ZFYVE9: variants seen among roughly 807,000 people sequenced by gnomAD.
ZFYVE9 encodes the protein zinc finger FYVE domain-containing protein 9.
A neutral mutation model predicts 126.7 loss-of-function variants in ZFYVE9; 43 were observed. That is an observed-to-expected ratio of 0.34 (90% confidence interval 0.27 to 0.44). The LOEUF (loss-of-function observed/expected upper bound fraction) is 0.44. Ranked by LOEUF, ZFYVE9 falls within the 20% of genes least tolerant of loss-of-function variation. The pLI is 1.00. For synonymous variants in ZFYVE9, 521 were observed against 597.4 expected (o/e 0.87, Z 1.87); for missense variants, 1,476 against 1,697.0 (o/e 0.87, Z 2.29).
chr1:52,180,153 A>G (rs1278293091), intron 1 of ZFYVE9: 5 of 1,225,368 alleles, frequency 4.1e-6, no homozygotes, highest in Non-Finnish European at 6.0e-6. Context: ...TCAAGAAGTT[A>G]CCAAAGCCAG....
At chr1:52,319,839 C>G (rs1345522867) in intron 13 of ZFYVE9, among the ~76,000 whole-genome samples, 1 of 150,930 alleles carries the variant, frequency 6.6e-6, no homozygotes. Flanking sequence ...ATGGTGAAAT[C>G]CCATCTCTAC....
Position 52,264,333 on chromosome 1 carries a change from T to A in ZFYVE9, c.2278+461T>A, listed in dbSNP as rs911011872. ...ATTCATCTTGTTGAAGATAACTATT[T>A]TAGCATCTAGGACCAAGTAGAAAAT... On this transcript the variant is annotated intron_variant, in intron 5 of 18. Transcript: ENST00000287727. 1.3e-5 allele frequency among the ~76,000 whole-genome samples: 2 copies of A among 152,346 alleles called. 1 individual carries two copies. Among genetic ancestry groups the A allele is most frequent in the South Asian group, 4.1e-4 (2 of 4,830 alleles).
rs150898927 is a variant in ZFYVE9, at chr1:52,161,043, T to C, written c.-143+18640T>C. On this transcript the variant is annotated intron_variant, in intron 1 of 18. Coordinates refer to ENST00000287727, the MANE Select transcript of ZFYVE9 (RefSeq NM_004799.4). The stretch of plus-strand genomic sequence containing the variant: ...CAGTAGTTTGGGTCTTTTTATTTTA[T>C]TTTTTCAAATAAATTAACTTTTATT... 2.3e-3 allele frequency among the ~76,000 whole-genome samples: 347 copies of C among 152,258 alleles called. 1 individual carries two copies. Among genetic ancestry groups the C allele is most frequent in the African/African-American group, 7.9e-3 (330 of 41,528 alleles).
rs143617400 is a variant in ZFYVE9 at position 52,193,808 on chromosome 1, A to G, written c.-142-22561A>G. On this transcript the variant is annotated intron_variant, in intron 1 of 18. Transcript: ENST00000287727. ...TCTTCAAACACACACGCACGCGCGC[A>G]CACACACACATGTGTCCAAGGAGGC... Among the ~76,000 whole-genome samples, 405 of 151,864 alleles carry G rather than the reference A, an allele frequency of 2.7e-3. 1 individual carries two copies. The highest frequency in any genetic ancestry group is 8.3e-3 in the African/African-American group (342 of 41,326).
intron 1 of ZFYVE9, among the ~76,000 whole-genome samples, chr1:52,200,836 CTCTAT>C (rs1482409735): frequency 6.6e-6 from 1 of 152,252 alleles, no homozygotes; most frequent in East Asian, 1.9e-4. Flanking sequence ...TTTCTGGCCT[CTCTAT>C]TCTGTTTTAT....
At chr1:52,299,101 C>G (rs1309907887) in intron 12 of ZFYVE9, among the ~76,000 whole-genome samples, 3 of 152,174 alleles carry the variant, frequency 2.0e-5, no homozygotes, top group African/African-American at 7.2e-5. Context: ...AGCCACCTTG[C>G]CCGGCCCTTT....
At chr1:52,300,819 T>C (rs1212457865) in intron 12 of ZFYVE9, among the ~76,000 whole-genome samples, 1 of 151,466 alleles carries the variant, frequency 6.6e-6, no homozygotes, top group Non-Finnish European at 1.5e-5. Context: ...ATACTTTTGG[T>C]GGTTGGAGAA....
At chr1:52,310,631 C>G (rs554467847) in intron 13 of ZFYVE9, among the ~76,000 whole-genome samples, 1 of 152,326 alleles carries the variant, frequency 6.6e-6, no homozygotes, top group South Asian at 2.1e-4. Context: ...CCTGGGCTTT[C>G]TGATTCTGGT....
At chr1:52,272,338 G>T (rs1645700778) in intron 7 of ZFYVE9, among the ~76,000 whole-genome samples, 1 of 152,128 alleles carries the variant, frequency 6.6e-6, no homozygotes, top group Non-Finnish European at 1.5e-5. Flanking sequence ...AACATCTCCA[G>T]CACTCCATAA....
Position 52,346,356 on chromosome 1 carries a change from G to A in ZFYVE9, c.*135G>A, listed in dbSNP as rs912000531. ...GGGTGGGGAATAGGGTGGGAGTGGG[G>A]GTTTGGGAGACGGGTGGGAAAGGGT... On this transcript the variant is annotated 3_prime_UTR_variant, in exon 19 of 19. Coordinates refer to ENST00000287727, the MANE Select transcript of ZFYVE9 (RefSeq NM_004799.4). The A allele has an allele frequency of 1.1e-6, 1 of 907,210 alleles. No homozygotes were observed. The highest frequency in any genetic ancestry group is 1.5e-6 in the Non-Finnish European group (1 of 647,430). 56.2% of individuals were successfully genotyped at this position (907,210 alleles called of 1,614,324 possible). A position where few individuals can be genotyped will look rare whatever the true frequency, so the allele number is the denominator to read the frequency against.
chr1:52,202,897 G>A (rs564362633), intron 1 of ZFYVE9, among the ~76,000 whole-genome samples: 469 of 151,612 alleles, frequency 3.1e-3, no homozygotes, highest in Non-Finnish European at 4.3e-3. Flanking sequence ...CATGGGCCAG[G>A]TTGGTCTCGA....
rs564955107 is a variant in ZFYVE9 at position 52,233,141 on chromosome 1, T to A, written c.-36-30T>A. 2.1e-4 allele frequency: 217 copies of A among 1,010,836 alleles called. 1 individual carries two copies. The highest frequency in any genetic ancestry group is 2.8e-4 in the Non-Finnish European group (203 of 722,666). 62.6% of individuals were successfully genotyped at this position (1,010,836 alleles called of 1,614,324 possible). A position where few individuals can be genotyped will look rare whatever the true frequency, so the allele number is the denominator to read the frequency against. ...AGATTTATAAATTATATTTTAATAA[T>A]TCAAAATGTAATACGCATTTACTTT... On this transcript the variant is annotated intron_variant, in intron 2 of 18. Coordinates refer to ENST00000287727, the MANE Select transcript of ZFYVE9 (RefSeq NM_004799.4).
At chr1:52,157,171 G>A (rs1317792858) in intron 1 of ZFYVE9, among the ~76,000 whole-genome samples, 1 of 151,990 alleles carries the variant, frequency 6.6e-6, no homozygotes, top group African/African-American at 2.4e-5. Flanking sequence ...AATGGCCATA[G>A]GTTCCTTTCG....
At chr1:52,169,291 T>G (rs1644542796) in intron 1 of ZFYVE9, among the ~76,000 whole-genome samples, 1 of 152,074 alleles carries the variant, frequency 6.6e-6, no homozygotes, top group Non-Finnish European at 1.5e-5. Context: ...TACTCCCAGC[T>G]TGGGAGGCTG....
At chr1:52,338,577 A>G (rs1646409235) in intron 16 of ZFYVE9, among the ~76,000 whole-genome samples, 1 of 152,248 alleles carries the variant, frequency 6.6e-6, no homozygotes, top group Non-Finnish European at 1.5e-5. Flanking sequence ...AAAGGATTCT[A>G]CACAACAAAG....
At chr1:52,153,064 C>A (rs187144952) in intron 1 of ZFYVE9, among the ~76,000 whole-genome samples, 18 of 152,312 alleles carry the variant, frequency 1.2e-4, no homozygotes, top group African/African-American at 4.1e-4. Context: ...GTACACCCAC[C>A]ATGTTTAGTC....
Position 52,293,485 on chromosome 1 carries a change from TTCAG to T in ZFYVE9, c.3062_3065del (p.Ser1021LysfsTer15). On this transcript the variant is annotated frameshift_variant, in exon 11 of 19. Coordinates refer to ENST00000287727, the MANE Select transcript of ZFYVE9 (RefSeq NM_004799.4). LOFTEE classifies it high-confidence loss of function. ...GGTGAGCAACTTGGGACATTCCTTC[TTCAG>T]TCAAAGTTTCCTTGGCAGTAAAGAA... is the stretch of plus-strand genomic sequence containing the variant. 6.2e-7 allele frequency: 1 copy of T among 1,614,094 alleles called. No homozygotes were observed. Among genetic ancestry groups the T allele is most frequent in the Non-Finnish European group, 8.5e-7 (1 of 1,179,984 alleles).
intron 4 of ZFYVE9, among the ~76,000 whole-genome samples, chr1:52,251,387 A>T (rs1645445055): frequency 6.6e-6 from 1 of 152,002 alleles, no homozygotes; most frequent in African/African-American, 2.4e-5. Flanking sequence ...AGGGTTTTTT[A>T]AAGTTTTTTT....
At chr1:52,231,269 G>A (rs1301335651) in intron 2 of ZFYVE9, among the ~76,000 whole-genome samples, 1 of 152,146 alleles carries the variant, frequency 6.6e-6, no homozygotes, top group Non-Finnish European at 1.5e-5. Context: ...TGTAATCCCA[G>A]CACTTTGGAA....
Sources: allele counts gnomAD v4.1 joint callset (sites outside exome capture counted in the v4.1 genomes callset), GRCh38; gene constraint gnomAD v4.1.1; transcripts MANE v1.5; gene names NCBI Gene and HGNC (gene_info 2026-07-23, HGNC 2026-07-21).